Variants in CYSLTR1 observed in about 807,000 individuals in gnomAD.
CYSLTR1 encodes the protein G-protein coupled receptor HG55.
CYSLTR1 carries 1 observed loss-of-function variant against 2.1 expected under a neutral mutation model. That is an observed-to-expected ratio of 0.48 (90% confidence interval 0.17 to 2.28). The LOEUF (loss-of-function observed/expected upper bound fraction) is 2.28, where lower values mean the gene tolerates loss of function less well. Ranked by LOEUF, CYSLTR1 falls within the 30% of genes most tolerant of loss-of-function variation. The pLI is 0.26. For missense variants in CYSLTR1, 299 were observed against 250.1 expected, an observed-to-expected ratio of 1.20 and a Z score of -1.32; for synonymous variants, 110 against 89.6, an observed-to-expected ratio of 1.23 and a Z score of -1.28.
At chrX:78,308,790 T>C (rs1408350141) in intron 1 of CYSLTR1, among the ~76,000 whole-genome samples, 2 of 111,865 alleles carry the variant, frequency 1.8e-5, no homozygotes, top group Non-Finnish European at 3.8e-5. Flanking sequence ...CTCATCTTTG[T>C]GCTCTCTTAG....
chrX:78,306,516 G>A (rs1923038536), intron 1 of CYSLTR1, among the ~76,000 whole-genome samples: 1 of 111,546 alleles, frequency 9.0e-6, no homozygotes. Context: ...TATAGTAAGT[G>A]CCCTGTTTTA....
chrX:78,318,625 T>C (rs768103088), intron 1 of CYSLTR1, among the ~76,000 whole-genome samples: 2 of 112,469 alleles, frequency 1.8e-5, no homozygotes, highest in South Asian at 7.3e-4. Context: ...CTTTAGTCTA[T>C]CATTTTCAGC....
At chrX:78,326,407 T>G (rs1455866857) in intron 1 of CYSLTR1, among the ~76,000 whole-genome samples, 1 of 112,327 alleles carries the variant, frequency 8.9e-6, no homozygotes, top group Non-Finnish European at 1.9e-5. Flanking sequence ...TTACAATTTC[T>G]TTTAAAATAA....
chrX:78,276,096 T>C (rs184521865), intron 2 of CYSLTR1, among the ~76,000 whole-genome samples: 172 of 112,238 alleles, frequency 1.5e-3, no homozygotes, highest in African/African-American at 5.3e-3. Flanking sequence ...GTTCTCTTTC[T>C]AGACTTCCTA....
At chrX:78,314,666 C>A (rs1469850440) in intron 1 of CYSLTR1, among the ~76,000 whole-genome samples, 1 of 110,941 alleles carries the variant, frequency 9.0e-6, no homozygotes, top group Non-Finnish European at 1.9e-5. Flanking sequence ...CCTATTAGAG[C>A]AGAAAGAAGA....
At chrX:78,282,311 T>C (rs1432371766) in intron 2 of CYSLTR1, among the ~76,000 whole-genome samples, 2 of 112,008 alleles carry the variant, frequency 1.8e-5, no homozygotes, top group Non-Finnish European at 3.8e-5. Flanking sequence ...GATTTGTATA[T>C]CTTATCTCCC....
At chrX:78,294,396 C>G (rs773397143) in intron 1 of CYSLTR1, among the ~76,000 whole-genome samples, 1 of 112,562 alleles carries the variant, frequency 8.9e-6, no homozygotes, top group African/African-American at 3.2e-5. Context: ...CTGTCGGCCC[C>G]TACTGGGAGG....
chrX:78,301,040 C>T lies in CYSLTR1; in HGVS notation c.-114-17500G>A, dbSNP rs1016801441. Among the ~76,000 whole-genome samples, 5 of 112,626 alleles carry T rather than the reference C, an allele frequency of 4.4e-5. No individual in the cohort carries two copies. The East Asian group carries it at 1.4e-3, about 32-fold the overall frequency. ...AGCCACAGCCTAAGCTGTACCTCGG[C>T]TCCTTTTAGCCATGGCTAGAGTGGC... On this transcript the variant is annotated intron_variant, in intron 1 of 2. Coordinates refer to ENST00000373304, the MANE Select transcript of CYSLTR1 (RefSeq NM_006639.4).
intron 1 of CYSLTR1, among the ~76,000 whole-genome samples, chrX:78,317,284 A>T: frequency 8.9e-6 from 1 of 112,620 alleles, no homozygotes; most frequent in Admixed American, 9.4e-5. Context: ...CCACAATGAG[A>T]TACTGCCTTA....
intron 1 of CYSLTR1, among the ~76,000 whole-genome samples, chrX:78,310,810 A>G (rs1366689662): frequency 9.0e-6 from 1 of 111,102 alleles, no homozygotes; most frequent in East Asian, 2.8e-4. Flanking sequence ...TATTTAAGGA[A>G]CATCTAACAT....
chrX:78,273,485 T>G lies in CYSLTR1; in HGVS notation c.262A>C (p.Ile88Leu), dbSNP rs1261785067. The change falls in exon 3 of 3, where the codon ATT becomes CTT. Residue 88 changes from isoleucine (I) to leucine (L), a missense_variant. Transcript: ENST00000373304. ...CACAAGAAGTCACCAAAGAGCCAAA[T>G]GCCTTTGTGAACATAATAGACCACA... Reference protein sequence around the residue: ...LRVVYYVHKGIWLFGDFLCRL... With the variant: ...LRVVYYVHKGLWLFGDFLCRL... 1.7e-6 allele frequency: 2 copies of G among 1,210,075 alleles called. No individual in the cohort carries two copies. The highest frequency in any genetic ancestry group is 3.5e-5 in the African/African-American group (2 of 57,195).
chrX:78,314,639 A>T (rs1407407908), intron 1 of CYSLTR1, among the ~76,000 whole-genome samples: 2 of 111,248 alleles, frequency 1.8e-5, no homozygotes, highest in Non-Finnish European at 3.8e-5. Context: ...ATTGTGAGGC[A>T]TTGAACTCAG....
At chrX:78,301,593 A>G (rs998490776) in intron 1 of CYSLTR1, among the ~76,000 whole-genome samples, 2 of 111,811 alleles carry the variant, frequency 1.8e-5, no homozygotes, top group Non-Finnish European at 3.8e-5. Flanking sequence ...CTTGGATTTG[A>G]TTGTCCATAT....
chrX:78,311,831 G>C (rs761132506), intron 1 of CYSLTR1, among the ~76,000 whole-genome samples: 2 of 111,845 alleles, frequency 1.8e-5, no homozygotes, highest in East Asian at 5.6e-4. Flanking sequence ...AGAAATCAGA[G>C]ATGATACAAA....
At chrX:78,298,961 T>C (rs1192728874) in intron 1 of CYSLTR1, among the ~76,000 whole-genome samples, 1 of 111,236 alleles carries the variant, frequency 9.0e-6, no homozygotes, top group Non-Finnish European at 1.9e-5. Flanking sequence ...CTTCTTTTTT[T>C]CTTCCCATTT....
Position 78,273,610 on chromosome X carries a change from TAGAGCACAA to T in CYSLTR1, c.128_136del (p.Phe43_Leu45del). The T allele has an allele frequency of 1.7e-6, 2 of 1,211,369 alleles. No individual in the cohort carries two copies. Among genetic ancestry groups the T allele is most frequent in the Non-Finnish European group, 2.2e-6 (2 of 895,430 alleles). On this transcript the variant is annotated inframe_deletion, in exon 3 of 3. Transcript: ENST00000373304. ...CTTGTGATAGGTTTTTATGAGGACA[TAGAGCACAA>T]AGCCATTGCCAAAGAAGCCTACAAC... is the stretch of plus-strand genomic sequence containing the variant.
intron 2 of CYSLTR1, among the ~76,000 whole-genome samples, chrX:78,280,920 C>CT (rs1326415173): frequency 8.9e-6 from 1 of 112,072 alleles, no homozygotes; most frequent in African/African-American, 3.2e-5. Context: ...TAATGTCATT[C>CT]TTTTTTATGG....
At chrX:78,295,943 T>G (rs1335466484) in intron 1 of CYSLTR1, among the ~76,000 whole-genome samples, 2 of 111,387 alleles carry the variant, frequency 1.8e-5, no homozygotes, top group African/African-American at 6.5e-5. Context: ...TGCCTGTGCT[T>G]GTAGGGTATT....
chrX:78,301,445 T>C (rs980723592), intron 1 of CYSLTR1, among the ~76,000 whole-genome samples: 13 of 111,799 alleles, frequency 1.2e-4, no homozygotes, highest in African/African-American at 4.2e-4. Context: ...TACCCTAAAT[T>C]ATCTCCCTCA....
Sources: allele counts gnomAD v4.1 joint callset (sites outside exome capture counted in the v4.1 genomes callset), GRCh38; gene constraint gnomAD v4.1.1; transcripts MANE v1.5; gene names NCBI Gene and HGNC (gene_info 2026-07-23, HGNC 2026-07-21).